Variants in WWOX observed in about 807,000 individuals in gnomAD.
WWOX encodes WW domain-containing oxidoreductase.
Under a neutral mutation model 46.2 loss-of-function variants are expected in WWOX, and 69 were observed. The observed-to-expected ratio is 1.49, with a 90% CI of 1.23 to 1.82. The LOEUF is 1.82. Among genes scored for constraint, WWOX ranks in the 40% most tolerant of loss-of-function variants. The pLI is 0.00. For synonymous variants in WWOX, 359 were observed against 202.6 expected (o/e 1.77, Z -6.56); for missense variants, 919 against 542.6 (o/e 1.69, Z -6.89).
chr16:79,137,200 A>G (rs1443856885), intron 8 of WWOX, among the ~76,000 whole-genome samples: 1 of 152,008 alleles, frequency 6.6e-6, no homozygotes, highest in African/African-American at 2.4e-5. Context: ...TGGCGGTTTT[A>G]TTATGCATGC....
chr16:78,139,126 C>T (rs146127631), intron 4 of WWOX, among the ~76,000 whole-genome samples: 1 of 152,040 alleles, frequency 6.6e-6, no homozygotes, highest in East Asian at 1.9e-4. Context: ...TAGGAGCAAC[C>T]CTTAAAGGAA....
chr16:78,754,044 A>G (rs992523196), intron 8 of WWOX, among the ~76,000 whole-genome samples: 4 of 151,424 alleles, frequency 2.6e-5, no homozygotes, highest in African/African-American at 9.7e-5. Context: ...TCTTGTAATT[A>G]CTCTCATAAT....
chr16:78,731,649 A>G (rs1233504241), intron 8 of WWOX, among the ~76,000 whole-genome samples: 2 of 152,080 alleles, frequency 1.3e-5, no homozygotes, highest in Non-Finnish European at 2.9e-5. Flanking sequence ...TCAGCTTTGC[A>G]TTCAAGTACT....
intron 8 of WWOX, among the ~76,000 whole-genome samples, chr16:78,477,652 CATAT>C (rs944389955): frequency 5.3e-5 from 8 of 151,704 alleles, no homozygotes; most frequent in African/African-American, 1.9e-4. Flanking sequence ...GAAATCATAT[CATAT>C]ATATAAATCA....
At chr16:78,927,123 T>G (rs1463873981) in intron 8 of WWOX, among the ~76,000 whole-genome samples, 1 of 152,208 alleles carries the variant, frequency 6.6e-6, no homozygotes, top group Non-Finnish European at 1.5e-5. Context: ...TGCGAGAAAG[T>G]CACTGTGATG....
At chr16:78,698,064 A>T in intron 8 of WWOX, among the ~76,000 whole-genome samples, 1 of 152,204 alleles carries the variant, frequency 6.6e-6, no homozygotes, top group Non-Finnish European at 1.5e-5. Flanking sequence ...ACTTAAAATG[A>T]TGTAAAGTGG....
intron 8 of WWOX, among the ~76,000 whole-genome samples, chr16:78,937,601 C>CTTTA (rs10691593): frequency 0.03 from 4,245 of 142,268 alleles, 85 homozygotes; most frequent in African/African-American, 0.04. Context: ...AGCTATAGAG[C>CTTTA]TTTATTTATT....
chr16:78,593,511 C>T (rs939916227), intron 8 of WWOX, among the ~76,000 whole-genome samples: 1 of 152,222 alleles, frequency 6.6e-6, no homozygotes, highest in African/African-American at 2.4e-5. Flanking sequence ...TGACCCAGGT[C>T]AGACCAGTCA....
intron 8 of WWOX, among the ~76,000 whole-genome samples, chr16:78,461,057 G>A (rs1171737705): frequency 2.0e-5 from 3 of 152,200 alleles, no homozygotes; most frequent in Non-Finnish European, 2.9e-5. Context: ...TTGTTGAAGT[G>A]TATGACTATT....
At chr16:79,091,113 T>A (rs1432747733) in intron 8 of WWOX, among the ~76,000 whole-genome samples, 1 of 152,180 alleles carries the variant, frequency 6.6e-6, no homozygotes, top group Non-Finnish European at 1.5e-5. Context: ...TTACCCTGAT[T>A]GAGCGAGGGA....
At chr16:78,960,545 C>A (rs1391245232) in intron 8 of WWOX, among the ~76,000 whole-genome samples, 1 of 152,174 alleles carries the variant, frequency 6.6e-6, no homozygotes, top group Non-Finnish European at 1.5e-5. Flanking sequence ...GGAAATATCT[C>A]CACAAGAGAG....
chr16:78,909,018 G>C (rs750198661), intron 8 of WWOX, among the ~76,000 whole-genome samples: 5 of 152,108 alleles, frequency 3.3e-5, no homozygotes, highest in African/African-American at 4.8e-5. Context: ...GTTTATTTTG[G>C]GAAAGGGCTG....
intron 8 of WWOX, among the ~76,000 whole-genome samples, chr16:79,046,809 G>A (rs187918730): frequency 6.6e-6 from 1 of 152,274 alleles, no homozygotes; most frequent in Admixed American, 6.5e-5. Flanking sequence ...CCCCAGGCCT[G>A]CACTACAACA....
rs146830818 is a variant in WWOX at position 79,193,867 on chromosome 16, G to A, written c.1057-17741G>A. Among the ~76,000 whole-genome samples the A allele has an allele frequency of 3.3e-3, 498 of 152,302 alleles. 1 individual carries two copies. The highest frequency in any genetic ancestry group is 5.1e-3 in the Non-Finnish European group (349 of 68,034). ...AGTTCAGGGACAAGAGAAGGCCCCAGTAACCTACAGAAGCAACTAGCTCCT... is the reference window on the plus strand; with the variant it reads ...AGTTCAGGGACAAGAGAAGGCCCCAATAACCTACAGAAGCAACTAGCTCCT... On this transcript the variant is annotated intron_variant, in intron 8 of 8. Transcript: ENST00000566780.
At position 78,854,400 on chromosome 16, in the gene WWOX, C is replaced by T. The variant is rs551783735; in HGVS notation, c.1057-357208C>T. 8.5e-3 allele frequency among the ~76,000 whole-genome samples: 1,289 copies of T among 152,282 alleles called. 20 individuals are homozygous for T. Among genetic ancestry groups the T allele is most frequent in the African/African-American group, 0.03 (1,235 of 41,550 alleles). On this transcript the variant is annotated intron_variant, in intron 8 of 8. Transcript: ENST00000566780. ...GTTTGAAATTATCATGAAACACATT[C>T]TAATTTGGCAGTGAGTTCAGGAGAT...
chr16:78,660,770 T>C (rs910158518), intron 8 of WWOX, among the ~76,000 whole-genome samples: 1 of 152,210 alleles, frequency 6.6e-6, no homozygotes, highest in Non-Finnish European at 1.5e-5. Flanking sequence ...CCAGAAACGT[T>C]CTATGCATTT....
At chr16:79,068,820 C>CAATAATAAT (rs61494401) in intron 8 of WWOX, among the ~76,000 whole-genome samples, 55 of 138,554 alleles carry the variant, frequency 4.0e-4, no homozygotes, top group East Asian at 6.4e-4. Flanking sequence ...CAAAAAAACC[C>CAATAATAAT]AATAATAATA....
intron 8 of WWOX, among the ~76,000 whole-genome samples, chr16:78,465,028 C>T (rs2084041907): frequency 6.6e-6 from 1 of 152,118 alleles, no homozygotes; most frequent in African/African-American, 2.4e-5. Flanking sequence ...AAAGCGTGTG[C>T]AGGGGAACTG....
chr16:78,919,519 GTT>G (rs1362661780), intron 8 of WWOX, among the ~76,000 whole-genome samples: 1 of 67,288 alleles, frequency 1.5e-5, no homozygotes, highest in South Asian at 9.7e-4. Context: ...TTATCTTTTT[GTT>G]TTGTTTTTTT....
Sources: gnomAD v4.1 joint callset for allele counts (sites outside exome capture counted in the v4.1 genomes callset) on GRCh38, gnomAD v4.1.1 for gene constraint, MANE v1.5 for transcripts, NCBI Gene and HGNC (gene_info 2026-07-23, HGNC 2026-07-21) for gene names.